The following KIAA1217 variants were observed in gnomAD, a reference collection of about 807,000 sequenced individuals.
The protein encoded by KIAA1217 is KIAA1217.
KIAA1217 carries 88 observed loss-of-function variants against 163.9 expected under a neutral mutation model. The observed-to-expected ratio is 0.54, with a 90% CI of 0.45 to 0.64. The LOEUF is 0.64. Among genes scored for constraint, KIAA1217 ranks in the 30% least tolerant of loss-of-function variants. The pLI is 0.00. For synonymous variants in KIAA1217, 903 were observed against 923.1 expected, an observed-to-expected ratio of 0.98 and a Z score of 0.39; for missense variants, 2,372 against 2,475.0, an observed-to-expected ratio of 0.96 and a Z score of 0.88.
chr10:24,142,778 C>T (rs74468374), intron 2 of KIAA1217, among the ~76,000 whole-genome samples: 2,282 of 152,236 alleles, frequency 0.015, 46 homozygotes, highest in African/African-American at 0.051. Flanking sequence ...AGAGCTGTTA[C>T]TGAGAAACAT....
intron 2 of KIAA1217, among the ~76,000 whole-genome samples, chr10:24,373,874 T>C (rs1327090652): frequency 6.6e-6 from 1 of 152,154 alleles, no homozygotes; most frequent in Non-Finnish European, 1.5e-5. Flanking sequence ...CAGCGGGTAA[T>C]GGGTATCACT....
chr10:24,486,944 G>A (rs186594247), intron 6 of KIAA1217, among the ~76,000 whole-genome samples: 1 of 152,266 alleles, frequency 6.6e-6, no homozygotes, highest in East Asian at 1.9e-4. Flanking sequence ...GTATGCAGTA[G>A]GTGCTCAATA....
chr10:23,768,595 C>T, intron 1 of KIAA1217, among the ~76,000 whole-genome samples: 1 of 152,140 alleles, frequency 6.6e-6, no homozygotes, highest in African/African-American at 2.4e-5. Flanking sequence ...GTGAACTTTT[C>T]AATGAGGAAA....
chr10:24,154,541 C>T (rs1158697401), intron 2 of KIAA1217, among the ~76,000 whole-genome samples: 1 of 152,000 alleles, frequency 6.6e-6, no homozygotes, highest in Admixed American at 6.6e-5. Flanking sequence ...ATGCTGCATA[C>T]CTGAAGCACC....
intron 2 of KIAA1217, among the ~76,000 whole-genome samples, chr10:24,121,738 A>T (rs913145228): frequency 1.3e-5 from 2 of 152,200 alleles, no homozygotes; most frequent in African/African-American, 4.8e-5. Context: ...GAACAAGTGG[A>T]TAAAGAAATA....
At chr10:24,388,316 A>G (rs1019387665) in intron 3 of KIAA1217, among the ~76,000 whole-genome samples, 1 of 152,188 alleles carries the variant, frequency 6.6e-6, no homozygotes, top group Non-Finnish European at 1.5e-5. Context: ...AGGATTCCCT[A>G]TTTATTTAAT....
At chr10:24,262,485 G>A (rs2075820120) in intron 2 of KIAA1217, among the ~76,000 whole-genome samples, 1 of 152,124 alleles carries the variant, frequency 6.6e-6, no homozygotes, top group Admixed American at 6.5e-5. Context: ...AAATTAGCCG[G>A]GCGAGGTGGC....
At chr10:24,165,927 C>T (rs1346435647) in intron 2 of KIAA1217, among the ~76,000 whole-genome samples, 5 of 152,138 alleles carry the variant, frequency 3.3e-5, no homozygotes, top group Non-Finnish European at 7.3e-5. Context: ...GCCAAGGTGA[C>T]AAGACAGTTT....
intron 1 of KIAA1217, among the ~76,000 whole-genome samples, chr10:23,795,788 T>A (rs986426157): frequency 2.0e-5 from 3 of 152,212 alleles, no homozygotes; most frequent in African/African-American, 7.2e-5. Flanking sequence ...GAGGTCTATA[T>A]GATAGCAATT....
intron 1 of KIAA1217, among the ~76,000 whole-genome samples, chr10:23,936,719 G>A (rs887641366): frequency 6.6e-6 from 1 of 152,110 alleles, no homozygotes; most frequent in South Asian, 2.1e-4. Flanking sequence ...CAGACACCTG[G>A]ATTTCAGACT....
At chr10:24,001,665 G>T (rs1028720724) in intron 1 of KIAA1217, among the ~76,000 whole-genome samples, 3 of 152,172 alleles carry the variant, frequency 2.0e-5, no homozygotes, top group Admixed American at 1.3e-4. Flanking sequence ...GTGGTGATTT[G>T]AATAGGAAGA....
At chr10:24,429,754 A>AG (rs1292484517) in intron 3 of KIAA1217, among the ~76,000 whole-genome samples, 5 of 152,140 alleles carry the variant, frequency 3.3e-5, no homozygotes, top group Non-Finnish European at 7.4e-5. Flanking sequence ...TTAATGTAAG[A>AG]GGGAGGCACG....
chr10:23,977,559 T>C (rs11813876), intron 1 of KIAA1217, among the ~76,000 whole-genome samples: 31,389 of 152,088 alleles, frequency 0.21, 3,532 homozygotes, highest in Middle Eastern at 0.3. Context: ...ATGAGACTAA[T>C]GGATACTTCC....
chr10:24,349,478 A>G (rs1018517943), intron 2 of KIAA1217, among the ~76,000 whole-genome samples: 4 of 152,330 alleles, frequency 2.6e-5, no homozygotes, highest in African/African-American at 7.2e-5. Flanking sequence ...TGCATAAGCT[A>G]CAGGGTGGTT....
At chr10:24,488,076 G>A (rs1011929548) in intron 6 of KIAA1217, among the ~76,000 whole-genome samples, 6 of 152,206 alleles carry the variant, frequency 3.9e-5, no homozygotes, top group Non-Finnish European at 8.8e-5. Flanking sequence ...TAAAGAAATA[G>A]TTTGTATGAA....
At chr10:24,020,020 T>C (rs1347528001) in intron 2 of KIAA1217, among the ~76,000 whole-genome samples, 1 of 151,950 alleles carries the variant, frequency 6.6e-6, no homozygotes, top group Non-Finnish European at 1.5e-5. Context: ...AAAGAGAAGA[T>C]CTTAAAAGTA....
At chr10:24,137,009 G>A in intron 2 of KIAA1217, among the ~76,000 whole-genome samples, 1 of 152,210 alleles carries the variant, frequency 6.6e-6, no homozygotes, top group East Asian at 1.9e-4. Context: ...AAGGTGGCTT[G>A]AAAGATGACG....
Position 24,501,298 on chromosome 10 carries a change from A to T in KIAA1217, c.1835-81A>T, listed in dbSNP as rs2067552028. ...AGAATTAGGCCTTTTTAGAATTACC[A>T]GTCATCTGCATTGGGATGGGATGCA... On this transcript the variant is annotated intron_variant, in intron 8 of 20. Transcript: ENST00000376454. 3 of 1,293,776 alleles carry T rather than the reference A, an allele frequency of 2.3e-6. No individual in the cohort carries two copies. The Admixed American group carries it at 6.7e-5, about 29-fold the overall frequency. The allele number at this position is 1,293,776 out of a possible 1,614,324, so 80.1% of individuals were successfully genotyped here.
chr10:24,406,316 A>G (rs186970256), intron 3 of KIAA1217, among the ~76,000 whole-genome samples: 3 of 152,262 alleles, frequency 2.0e-5, no homozygotes, highest in Admixed American at 2.0e-4. Context: ...TGGATGTCCT[A>G]TATGTAAATC....
Sources: gnomAD v4.1 joint callset for allele counts (sites outside exome capture counted in the v4.1 genomes callset) on GRCh38, gnomAD v4.1.1 for gene constraint, MANE v1.5 for transcripts, NCBI Gene and HGNC (gene_info 2026-07-23, HGNC 2026-07-21) for gene names.